ZFHX3: variants seen among roughly 807,000 people sequenced by gnomAD.
The protein encoded by ZFHX3 is zinc finger homeobox 3, also known as zinc finger homeobox protein 3.
A neutral mutation model predicts 279.1 loss-of-function variants in ZFHX3; 42 were observed. The observed-to-expected ratio is 0.15, with a 90% confidence interval of 0.12 to 0.19. ZFHX3 has a LOEUF of 0.19. Ranked by LOEUF, ZFHX3 falls within the 10% of genes least tolerant of loss-of-function variation. The pLI is 1.00. For synonymous variants in ZFHX3, 2,293 were observed against 1,957.8 expected, an observed-to-expected ratio of 1.17 and a Z score of -4.52; for missense variants, 4,981 against 4,754.0, an observed-to-expected ratio of 1.05 and a Z score of -1.40.
At chr16:73,000,342 C>T (rs894023519) in intron 1 of ZFHX3, among the ~76,000 whole-genome samples, 3 of 152,142 alleles carry the variant, frequency 2.0e-5, no homozygotes, top group African/African-American at 4.8e-5. Flanking sequence ...AAAAGCCATC[C>T]GGGAACAATG....
chr16:73,633,786 T>C (rs911941149), intron 2 of ZFHX3, among the ~76,000 whole-genome samples: 3 of 151,976 alleles, frequency 2.0e-5, no homozygotes, highest in African/African-American at 4.8e-5. Flanking sequence ...TAATCCCAGA[T>C]ACTCAGGAGG....
At chr16:73,552,033 G>A (rs1681096067) in intron 2 of ZFHX3, among the ~76,000 whole-genome samples, 1 of 151,852 alleles carries the variant, frequency 6.6e-6, no homozygotes, top group South Asian at 2.1e-4. Flanking sequence ...GTGTGTGTGA[G>A]AGAGAGAGAG....
chr16:73,440,571 A>G (rs764428564), intron 3 of ZFHX3, among the ~76,000 whole-genome samples: 10 of 152,194 alleles, frequency 6.6e-5, no homozygotes, highest in Non-Finnish European at 8.8e-5. Context: ...TGAGAGTTGG[A>G]TTTGTAAGTT....
At chr16:73,261,768 C>G (rs998630345) in intron 4 of ZFHX3, among the ~76,000 whole-genome samples, 2 of 150,674 alleles carry the variant, frequency 1.3e-5, no homozygotes, top group South Asian at 2.1e-4. Context: ...TTCCGCCTCC[C>G]GGGTTCAAGT....
intron 2 of ZFHX3, among the ~76,000 whole-genome samples, chr16:73,471,509 A>T (rs938029702): frequency 6.6e-6 from 1 of 152,034 alleles, no homozygotes; most frequent in East Asian, 1.9e-4. Context: ...CCCAGGTTCA[A>T]GTGATTCTCC....
At chr16:73,589,733 C>CAAAAAAAAAAAAAAAAAAAAAAAAA (rs59777135) in intron 2 of ZFHX3, among the ~76,000 whole-genome samples, 1 of 29,590 alleles carries the variant, frequency 3.4e-5, no homozygotes. Flanking sequence ...GACTCCGTCT[C>CAAAAAAAAAAAAAAAAAAAAAAAAA]AAAAAAAAAA....
At chr16:73,710,052 G>A (rs1042424224) in intron 1 of ZFHX3, among the ~76,000 whole-genome samples, 2 of 152,048 alleles carry the variant, frequency 1.3e-5, no homozygotes, top group African/African-American at 4.8e-5. Context: ...GTGTGGTAGC[G>A]GGCGCCTATA....
intron 2 of ZFHX3, among the ~76,000 whole-genome samples, chr16:73,458,864 A>G (rs1031251945): frequency 1.3e-5 from 2 of 152,234 alleles, no homozygotes; most frequent in Non-Finnish European, 2.9e-5. Flanking sequence ...AAGTCTTCAT[A>G]TTAGTAACAA....
chr16:73,809,212 T>G (rs142984178), intron 1 of ZFHX3: 24 of 152,276 alleles, frequency 1.6e-4, no homozygotes, highest in African/African-American at 5.3e-4. Flanking sequence ...GCTTTAAGAC[T>G]ATTCCTGAGG....
intron 2 of ZFHX3, among the ~76,000 whole-genome samples, chr16:73,596,046 A>C (rs900618880): frequency 7.0e-6 from 1 of 143,070 alleles, no homozygotes; most frequent in Admixed American, 6.9e-5. Flanking sequence ...TTTGAGACAG[A>C]GTCTGGCTCT....
At chr16:73,186,763 G>T (rs1864483401) in intron 5 of ZFHX3, among the ~76,000 whole-genome samples, 1 of 152,010 alleles carries the variant, frequency 6.6e-6, no homozygotes, top group African/African-American at 2.4e-5. Flanking sequence ...CAGAAACAAT[G>T]CCCATTATAT....
chr16:72,945,069 G>A (rs1038170915), intron 3 of ZFHX3, among the ~76,000 whole-genome samples: 1 of 152,092 alleles, frequency 6.6e-6, no homozygotes, highest in Admixed American at 6.5e-5. Flanking sequence ...TGTGTAAAAT[G>A]CTCTAACCAG....
intron 3 of ZFHX3, among the ~76,000 whole-genome samples, chr16:73,356,838 C>CA (rs2016349207): frequency 7.1e-6 from 1 of 141,284 alleles, no homozygotes. Context: ...CACCTGAGGG[C>CA]TTTTTTTTTT....
chr16:73,734,069 C>A (rs1036833391), intron 1 of ZFHX3, among the ~76,000 whole-genome samples: 1 of 152,114 alleles, frequency 6.6e-6, no homozygotes, highest in East Asian at 1.9e-4. Flanking sequence ...GAGCATGCAA[C>A]CTAGATCCCT....
intron 3 of ZFHX3, among the ~76,000 whole-genome samples, chr16:72,936,134 A>G: frequency 6.6e-6 from 1 of 152,332 alleles, no homozygotes; most frequent in Admixed American, 6.5e-5. Context: ...ATGGTAAATG[A>G]CCTGGGCTGC....
intron 3 of ZFHX3, among the ~76,000 whole-genome samples, chr16:73,371,613 A>G (rs2016632483): frequency 6.6e-6 from 1 of 152,016 alleles, no homozygotes; most frequent in African/African-American, 2.4e-5. Context: ...CACCGGGTGT[A>G]CCCCTCAGTC....
chr16:73,050,003 G>A (rs144659510), upstream of ZFHX3, among the ~76,000 whole-genome samples: 1,077 of 152,230 alleles, frequency 7.1e-3, 21 homozygotes, highest in African/African-American at 0.024. Context: ...CAATCTCTCC[G>A]GAAAAACGAA....
intron 5 of ZFHX3, among the ~76,000 whole-genome samples, chr16:72,820,931 G>A (rs1405395781): frequency 2.6e-5 from 4 of 152,102 alleles, no homozygotes; most frequent in Non-Finnish European, 4.4e-5. Context: ...AGTCTCCACC[G>A]AGTCAAACAA....
chr16:73,020,689 A>G (rs1964267360), intron 1 of ZFHX3, among the ~76,000 whole-genome samples: 1 of 152,164 alleles, frequency 6.6e-6, no homozygotes, highest in African/African-American at 2.4e-5. Context: ...ACGATTCTTC[A>G]ATGCCCCTGG....
Sources: allele counts gnomAD v4.1 joint callset (sites outside exome capture counted in the v4.1 genomes callset), GRCh38; gene constraint gnomAD v4.1.1; transcripts MANE v1.5; gene names NCBI Gene and HGNC (gene_info 2026-07-23, HGNC 2026-07-21).